Variants in PLPPR5 observed in about 807,000 individuals in gnomAD.
The protein encoded by PLPPR5 is phospholipid phosphatase related 5.
Under a neutral mutation model 33.9 loss-of-function variants are expected in PLPPR5, and 16 were observed. The observed-to-expected ratio is 0.47, with a 90% CI of 0.32 to 0.72. PLPPR5 has a LOEUF of 0.72. Ranked by LOEUF, PLPPR5 falls within the 30% of genes least tolerant of loss-of-function variation. PLPPR5 has a pLI of 0.03. For synonymous variants in PLPPR5, 163 were observed against 150.3 expected (o/e 1.08, Z -0.62); for missense variants, 301 against 406.7 (o/e 0.74, Z 2.23).
In PLPPR5 at chr1:98,959,915, C is replaced by T. The variant is rs114970027; in HGVS notation, c.238-3174G>A. On this transcript the variant is annotated intron_variant, in intron 1 of 5. Coordinates refer to ENST00000263177, the MANE Select transcript of PLPPR5 (RefSeq NM_001037317.2). ...GATGTCAAATGCCTGTCCATCACATCTTGCTGGACCCTCCGGCCAGTTCTT... is the reference window on the plus strand; with the variant it reads ...GATGTCAAATGCCTGTCCATCACATTTTGCTGGACCCTCCGGCCAGTTCTT... 3.4e-3 allele frequency among the ~76,000 whole-genome samples: 516 copies of T among 152,242 alleles called. 2 individuals carry two copies. The highest frequency in any genetic ancestry group is 5.9e-3 in the Non-Finnish European group (402 of 68,024).
At chr1:98,927,383 G>A (rs1649807568) in intron 3 of PLPPR5, among the ~76,000 whole-genome samples, 1 of 152,220 alleles carries the variant, frequency 6.6e-6, no homozygotes, top group African/African-American at 2.4e-5. Context: ...TCCACTGCCA[G>A]GTGTGTATCC....
chr1:98,933,498 A>AG (rs1650060148), intron 3 of PLPPR5, among the ~76,000 whole-genome samples: 1 of 151,806 alleles, frequency 6.6e-6, no homozygotes, highest in Non-Finnish European at 1.5e-5. Flanking sequence ...AAAAAAAAAA[A>AG]AAGGATTTCA....
intron 1 of PLPPR5, among the ~76,000 whole-genome samples, chr1:98,988,947 A>G (rs1462119171): frequency 6.6e-6 from 1 of 152,098 alleles, no homozygotes; most frequent in African/African-American, 2.4e-5. Context: ...CTTTAGCAAC[A>G]TCCCTAACAC....
At chr1:98,997,703 G>A (rs2100766126) in intron 1 of PLPPR5, among the ~76,000 whole-genome samples, 1 of 152,214 alleles carries the variant, frequency 6.6e-6, no homozygotes, top group African/African-American at 2.4e-5. Context: ...ACAGACTAAG[G>A]CTGGCAAAGT....
chr1:98,895,165 T>C (rs1648425914), intron 5 of PLPPR5, among the ~76,000 whole-genome samples: 1 of 151,946 alleles, frequency 6.6e-6, no homozygotes, highest in African/African-American at 2.4e-5. Flanking sequence ...TAATGGGAGG[T>C]GATTAGACCA....
intron 3 of PLPPR5, among the ~76,000 whole-genome samples, chr1:98,947,211 C>CA (rs1444152546): frequency 6.6e-6 from 1 of 152,158 alleles, no homozygotes; most frequent in Non-Finnish European, 1.5e-5. Context: ...ATGCATTAAC[C>CA]AAAACGTCAA....
intron 3 of PLPPR5, among the ~76,000 whole-genome samples, chr1:98,923,190 A>C (rs1649635677): frequency 6.6e-6 from 1 of 152,194 alleles, no homozygotes; most frequent in South Asian, 2.1e-4. Flanking sequence ...CATCTAATGT[A>C]TTCTATAGCT....
intron 5 of PLPPR5, among the ~76,000 whole-genome samples, chr1:98,905,065 T>G (rs1040149709): frequency 6.6e-6 from 1 of 152,200 alleles, no homozygotes; most frequent in African/African-American, 2.4e-5. Context: ...ACGATAGCCT[T>G]TCCGATTCTT....
intron 5 of PLPPR5, among the ~76,000 whole-genome samples, chr1:98,910,191 T>C (rs978564028): frequency 1.3e-5 from 2 of 152,242 alleles, no homozygotes; most frequent in African/African-American, 2.4e-5. Flanking sequence ...ATAATAATGC[T>C]AACTCTTGGC....
At chr1:98,909,566 C>G (rs1321590693) in intron 5 of PLPPR5, among the ~76,000 whole-genome samples, 1 of 151,774 alleles carries the variant, frequency 6.6e-6, no homozygotes, top group East Asian at 1.9e-4. Context: ...GTACCAGACA[C>G]AGTTTAAGTG....
chr1:98,948,486 C>T (rs1042496239), intron 3 of PLPPR5, among the ~76,000 whole-genome samples: 1 of 152,174 alleles, frequency 6.6e-6, no homozygotes, highest in African/African-American at 2.4e-5. Flanking sequence ...CTCCTCATTA[C>T]AGTGTGACTT....
intron 5 of PLPPR5, among the ~76,000 whole-genome samples, chr1:98,910,509 C>T (rs952245516): frequency 6.6e-6 from 1 of 152,060 alleles, no homozygotes; most frequent in Non-Finnish European, 1.5e-5. Context: ...AAGACATCAC[C>T]AAACTTCTAA....
At chr1:98,954,785 G>T (rs1321880002) in intron 2 of PLPPR5, among the ~76,000 whole-genome samples, 1 of 152,072 alleles carries the variant, frequency 6.6e-6, no homozygotes, top group Non-Finnish European at 1.5e-5. Flanking sequence ...AGAGAACTGA[G>T]CTCAATAAAA....
chr1:98,943,463 C>T (rs910060871), intron 3 of PLPPR5, among the ~76,000 whole-genome samples: 1 of 152,146 alleles, frequency 6.6e-6, no homozygotes, highest in Admixed American at 6.5e-5. Flanking sequence ...AGTGTCATCA[C>T]GGTCCCCTGT....
chr1:98,973,850 C>A (rs185957518), intron 1 of PLPPR5, among the ~76,000 whole-genome samples: 1 of 146,838 alleles, frequency 6.8e-6, no homozygotes, highest in Non-Finnish European at 1.5e-5. Context: ...AGTGAGGTGC[C>A]GGTACTTAAT....
intron 5 of PLPPR5, among the ~76,000 whole-genome samples, chr1:98,898,315 G>C (rs965143474): frequency 6.6e-6 from 1 of 152,104 alleles, no homozygotes; most frequent in Admixed American, 6.6e-5. Context: ...AGGAATCATG[G>C]TCCAATAAAT....
chr1:98,957,360 G>T (rs1382777530), intron 1 of PLPPR5, among the ~76,000 whole-genome samples: 2 of 130,340 alleles, frequency 1.5e-5, no homozygotes, highest in Admixed American at 7.5e-5. Flanking sequence ...TAAATAAAAA[G>T]AAAAATTATG....
Position 99,001,918 on chromosome 1 carries a change from A to T in PLPPR5, c.237+2517T>A, listed in dbSNP as rs151013152. ...TCTTTCTAAGCCATCATGTTCCCAA[A>T]TGTTAGATAAGAATAATAATTATTG... is the stretch of plus-strand genomic sequence containing the variant. On this transcript the variant is annotated intron_variant, in intron 1 of 5. Transcript: ENST00000263177. Among the ~76,000 whole-genome samples, 54 of 151,952 alleles carry T rather than the reference A, an allele frequency of 3.6e-4. No homozygotes were observed. In the East Asian group the frequency reaches 9.9e-3, roughly 28 times the overall value.
Position 99,004,630 on chromosome 1 carries a change from A to G in PLPPR5, c.42T>C (p.Tyr14=). The change falls in exon 1 of 6, where the codon TAT becomes TAC. Residue 14 remains tyrosine, a synonymous_variant. Transcript: ENST00000263177. The part of the protein sequence containing the change: ...LPAALTSSML[Y]FQMVIMAGTV... ...TCCCTGCCATGATCACCATCTGGAAATAGAGCATGCTGCTGGTGAGCGCCG... is the reference window on the plus strand; with the variant it reads ...TCCCTGCCATGATCACCATCTGGAAGTAGAGCATGCTGCTGGTGAGCGCCG... 29 of 1,612,886 alleles carry G rather than the reference A, an allele frequency of 1.8e-5. No individual in the cohort carries two copies. Among genetic ancestry groups the G allele is most frequent in the Non-Finnish European group, 2.5e-5 (29 of 1,179,712 alleles).
Sources: gnomAD v4.1 joint callset for allele counts (sites outside exome capture counted in the v4.1 genomes callset) on GRCh38, gnomAD v4.1.1 for gene constraint, MANE v1.5 for transcripts, NCBI Gene and HGNC (gene_info 2026-07-23, HGNC 2026-07-21) for gene names.